Variants in DHX30 observed in about 807,000 individuals in gnomAD.
DHX30 encodes DExH-box helicase 30.
Under a neutral mutation model 116.9 loss-of-function variants are expected in DHX30, and 4 were observed. The ratio of observed to expected loss-of-function variants is 0.03; its 90% CI spans 0.02 to 0.08. The LOEUF (loss-of-function observed/expected upper bound fraction) is 0.08. Ranked by LOEUF, DHX30 falls within the 10% of genes least tolerant of loss-of-function variation. The pLI is 1.00. For synonymous variants in DHX30, 697 were observed against 651.7 expected, an observed-to-expected ratio of 1.07 and a Z score of -1.06; for missense variants, 871 against 1,595.1, an observed-to-expected ratio of 0.55 and a Z score of 7.73.
At position 47,846,398 on chromosome 3, in the gene DHX30, C is replaced by T; in HGVS notation, c.1326C>T (p.Thr442=). ...PQLPVDPHRD[T]ILNAIEQHPV... ...TACCTGTGGACCCACATCGGGACACCATCCTCAACGCCATTGAGCAGCACC... is the reference window on the plus strand; with the variant it reads ...TACCTGTGGACCCACATCGGGACACTATCCTCAACGCCATTGAGCAGCACC... Residue 442 remains threonine, a synonymous_variant, in exon 11 of 22, where the codon ACC becomes ACT. Coordinates refer to ENST00000445061, the MANE Select transcript of DHX30 (RefSeq NM_138615.3). 6.2e-7 allele frequency: 1 copy of T among 1,614,122 alleles called. No homozygotes were observed. Among genetic ancestry groups the T allele is most frequent in the African/African-American group, 1.3e-5 (1 of 75,078 alleles).
At chr3:47,813,891 C>CTTTTTT (rs71070233) in intron 3 of DHX30, among the ~76,000 whole-genome samples, 18 of 80,598 alleles carry the variant, frequency 2.2e-4, no homozygotes, top group East Asian at 7.6e-4. Context: ...TCATCCTGGG[C>CTTTTTT]TTTTTTTTTT....
chr3:47,823,106 AAAAG>A (rs1176557370), intron 4 of DHX30, among the ~76,000 whole-genome samples: 5 of 151,256 alleles, frequency 3.3e-5, no homozygotes, highest in African/African-American at 1.2e-4. Flanking sequence ...AAAAAAAAAA[AAAAG>A]AAAAGAAAGA....
chr3:47,840,490 G>T (rs764638859), intron 6 of DHX30, among the ~76,000 whole-genome samples: 8 of 151,688 alleles, frequency 5.3e-5, no homozygotes, highest in Non-Finnish European at 8.8e-5. Context: ...ACAAAAATTC[G>T]CTGGGCGTTG....
intron 2 of DHX30, among the ~76,000 whole-genome samples, chr3:47,809,346 A>G (rs1436937430): frequency 7.5e-6 from 1 of 133,700 alleles, no homozygotes; most frequent in Non-Finnish European, 1.5e-5. Flanking sequence ...GGTTCACGCC[A>G]TTCTCCTGCC....
chr3:47,810,510 G>T, intron 2 of DHX30, 147 bp from the exon 3 acceptor site: 1 of 642,358 alleles, frequency 1.6e-6, no homozygotes. Flanking sequence ...CAGTCCTCAA[G>T]ACTGGGGAGC....
chr3:47,822,827 C>G (rs2036357756), intron 4 of DHX30, among the ~76,000 whole-genome samples: 1 of 151,618 alleles, frequency 6.6e-6, no homozygotes, highest in African/African-American at 2.4e-5. Context: ...GGCGCAGTGG[C>G]CCACGCCCGT....
In DHX30 at chr3:47,829,079, G is replaced by A. The variant is rs1343967990; in HGVS notation, c.311G>A (p.Ser104Asn). 1.9e-6 allele frequency: 3 copies of A among 1,610,534 alleles called. No homozygotes were observed. Among genetic ancestry groups the A allele is most frequent in the East Asian group, 2.2e-5 (1 of 44,646 alleles). ...AGCGTGGAGGTAGAAGGCTATGGCA[G>A]CAAGAAGATCGATGCTGAGCGGCAG... ...PKSVEVEGYGSKKIDAERQAA... is the reference protein window; with the variant it reads ...PKSVEVEGYGNKKIDAERQAA... The change falls in exon 6 of 22, where the codon AGC becomes AAC. Residue 104 changes from serine (S) to asparagine (N), a missense_variant. Physicochemically the swap from Ser to Asn is conservative, Grantham distance 46 (BLOSUM62 1). Around this residue, in one of 13 missense-constraint regions of DHX30, gnomAD observed 66 missense variants for 153.9 expected, o/e 0.43. Transcript: ENST00000445061.
chr3:47,830,769 A>G (rs1244801408), intron 6 of DHX30: 3 of 151,616 alleles, frequency 2.0e-5, no homozygotes, highest in Non-Finnish European at 4.4e-5. Flanking sequence ...ATGTTTTTGT[A>G]TTTTTTGTAG....
intron 9 of DHX30, among the ~76,000 whole-genome samples, chr3:47,844,320 G>A (rs1449949759): frequency 2.0e-5 from 3 of 152,204 alleles, no homozygotes; most frequent in African/African-American, 4.8e-5. Flanking sequence ...CCTGTGACTC[G>A]AGGGCAGAAC....
At chr3:47,826,867 C>T (rs554237070) in intron 4 of DHX30, among the ~76,000 whole-genome samples, 31 of 152,322 alleles carry the variant, frequency 2.0e-4, no homozygotes, top group African/African-American at 7.5e-4. Flanking sequence ...TGGATCTCAT[C>T]ACTTGAGATA....
intron 7 of DHX30, 54 bp from the exon 8 acceptor site, chr3:47,841,563 G>T: frequency 6.2e-7 from 1 of 1,612,584 alleles, no homozygotes. Context: ...AGAGCCTCAG[G>T]GAAATTGGTC....
intron 4 of DHX30, chr3:47,819,191 T>A: frequency 7.3e-7 from 1 of 1,364,808 alleles, no homozygotes; most frequent in Non-Finnish European, 9.8e-7. Context: ...AAGAGTTGAT[T>A]GCCCTTTTTT....
intron 6 of DHX30, among the ~76,000 whole-genome samples, chr3:47,837,599 A>G (rs977382448): frequency 5.9e-5 from 9 of 152,144 alleles, no homozygotes; most frequent in Non-Finnish European, 1.2e-4. Context: ...CATCTCTACT[A>G]AAAATACAAA....
At chr3:47,819,566 C>T (rs539262747) in intron 4 of DHX30, among the ~76,000 whole-genome samples, 6 of 152,200 alleles carry the variant, frequency 3.9e-5, no homozygotes, top group Non-Finnish European at 7.3e-5. Context: ...TCTTGGCCTG[C>T]GGATAGCGAT....
At chr3:47,843,992 G>A (rs1321147974) in intron 9 of DHX30, among the ~76,000 whole-genome samples, 3 of 152,218 alleles carry the variant, frequency 2.0e-5, no homozygotes, top group Admixed American at 6.5e-5. Context: ...GTGAGCCACC[G>A]CTCCTGGCCA....
At chr3:47,822,791 A>G (rs558464750) in intron 4 of DHX30, among the ~76,000 whole-genome samples, 2 of 150,824 alleles carry the variant, frequency 1.3e-5, no homozygotes, top group African/African-American at 4.9e-5. Context: ...TCTCAAAAAA[A>G]TAAACATAAA....
intron 4 of DHX30, among the ~76,000 whole-genome samples, chr3:47,820,529 T>C (rs923825170): frequency 6.6e-6 from 1 of 152,112 alleles, no homozygotes; most frequent in Non-Finnish European, 1.5e-5. Context: ...CCTGGTTTCT[T>C]TAGGTGTTGG....
At chr3:47,807,661 C>T (rs1294342878) in intron 2 of DHX30, among the ~76,000 whole-genome samples, 2 of 144,466 alleles carry the variant, frequency 1.4e-5, no homozygotes, top group South Asian at 2.2e-4. Context: ...GCTGATATTA[C>T]GCCATTGCCC....
rs148809232 is a variant in DHX30 at position 47,848,769 on chromosome 3, C to A, written c.2721C>A (p.Thr907=). 8.1e-6 allele frequency: 13 copies of A among 1,613,978 alleles called. No individual in the cohort carries two copies. Among genetic ancestry groups the A allele is most frequent in the Non-Finnish European group, 1.1e-5 (13 of 1,179,976 alleles). ...TACTGGTGGTCGTTTCCTGCCTCACCCGGGACCCCTTCAGCAGCAGCCTAC... is the reference window on the plus strand; with the variant it reads ...TACTGGTGGTCGTTTCCTGCCTCACACGGGACCCCTTCAGCAGCAGCCTAC... ...HPLLVVVSCL[T]RDPFSSSLQN... The change falls in exon 17 of 22, where the codon ACC becomes ACA. Residue 907 remains threonine (T), a synonymous_variant. Transcript: ENST00000445061. The surrounding 1 kb of genome is among the most constrained non-coding windows in gnomAD (Gnocchi z 9.4).
Sources: gnomAD v4.1 joint callset for allele counts (sites outside exome capture counted in the v4.1 genomes callset) on GRCh38, gnomAD v4.1.1 for gene constraint, gnomAD v4.1.1 regional missense constraint, Gnocchi (gnomAD v3.1) non-coding constraint, MANE v1.5 for transcripts, NCBI Gene and HGNC (gene_info 2026-07-23, HGNC 2026-07-21) for gene names.